NACC2: variants seen among roughly 807,000 people sequenced by gnomAD.
NACC2 encodes NACC family member 2.
Under a neutral mutation model 25.1 loss-of-function variants are expected in NACC2, and 8 were observed. The ratio of observed to expected loss-of-function variants is 0.32; its 90% confidence interval spans 0.19 to 0.57. The LOEUF (loss-of-function observed/expected upper bound fraction) is 0.57, where lower values mean the gene tolerates loss of function less well. Ranked by LOEUF, NACC2 falls within the 20% of genes least tolerant of loss-of-function variation. The pLI is 0.89. For synonymous variants in NACC2, 435 were observed against 294.7 expected (o/e 1.48, Z -4.88); for missense variants, 644 against 650.2 (o/e 0.99, Z 0.10).
At chr9:136,083,597 C>T (rs569696328) in intron 1 of NACC2, among the ~76,000 whole-genome samples, 16 of 152,366 alleles carry the variant, frequency 1.1e-4, no homozygotes, top group African/African-American at 3.6e-4. Flanking sequence ...TGAAGAGCGC[C>T]GTGCAGAGGC....
chr9:136,064,083 G>C (rs1841050407), intron 1 of NACC2, among the ~76,000 whole-genome samples: 1 of 152,086 alleles, frequency 6.6e-6, no homozygotes, highest in Admixed American at 6.6e-5. Flanking sequence ...GAGTCCAGGA[G>C]TTTGAGACAA....
At chr9:136,073,478 T>G (rs2131179844) in intron 1 of NACC2, among the ~76,000 whole-genome samples, 1 of 152,150 alleles carries the variant, frequency 6.6e-6, no homozygotes, top group South Asian at 2.1e-4. Flanking sequence ...CAGTAGGAGC[T>G]GCAGTGGACA....
intron 1 of NACC2, among the ~76,000 whole-genome samples, chr9:136,081,461 C>A (rs981965049): frequency 6.6e-6 from 1 of 152,234 alleles, no homozygotes; most frequent in Non-Finnish European, 1.5e-5. Context: ...TCTCTGAGCG[C>A]GGGGTGCCCA....
chr9:136,094,423 CA>C (rs920279759), intron 1 of NACC2, among the ~76,000 whole-genome samples: 4 of 152,208 alleles, frequency 2.6e-5, no homozygotes, highest in Non-Finnish European at 5.9e-5. Context: ...ACGATCCCAG[CA>C]AGAGAAGCAG....
At chr9:136,042,010 T>G (rs897127463) in intron 2 of NACC2, among the ~76,000 whole-genome samples, 2 of 152,200 alleles carry the variant, frequency 1.3e-5, no homozygotes, top group Non-Finnish European at 2.9e-5. Context: ...TTTCTTTTTT[T>G]TTGAGACAGA....
chr9:136,022,771 T>C lies in NACC2; in HGVS notation c.887-6342A>G, dbSNP rs1840311108. ...AAGACCAGAAACGACTTCCACGCTG[T>C]ACTTGGTGGGAGCACAGAGGCCACA... On this transcript the variant is annotated intron_variant, in intron 2 of 5. Transcript: ENST00000277554. The surrounding 1 kb of genome is among the most constrained non-coding windows in gnomAD (Gnocchi z 4.4). Among the ~76,000 whole-genome samples the C allele has an allele frequency of 1.3e-5, 2 of 152,002 alleles. No individual in the cohort carries two copies. Among genetic ancestry groups the C allele is most frequent in the South Asian group, 4.1e-4 (2 of 4,826 alleles).
At position 136,044,648 on chromosome 9, in the gene NACC2, C is replaced by T. The variant is rs1013351548; in HGVS notation, c.886+4988G>A. Among the ~76,000 whole-genome samples the T allele has an allele frequency of 3.2e-3, 482 of 152,324 alleles. 8 individuals carry two copies. In the South Asian group the frequency reaches 0.055, roughly 17 times the overall value. On this transcript the variant is annotated intron_variant, in intron 2 of 5. Transcript: ENST00000277554. Reference sequence around the variant, plus strand: ...AGGCAGCAGAGTGGGGACGATGGTGCGATTTGCATACTCAGCAACCCCAAG... The same window carrying T: ...AGGCAGCAGAGTGGGGACGATGGTGTGATTTGCATACTCAGCAACCCCAAG...
chr9:136,081,373 C>T (rs1404332530), intron 1 of NACC2, among the ~76,000 whole-genome samples: 3 of 152,206 alleles, frequency 2.0e-5, no homozygotes, highest in African/African-American at 7.2e-5. Context: ...CTCCCCATGG[C>T]CCAGCCCCAC....
chr9:136,033,480 C>A (rs1309434895), intron 2 of NACC2, among the ~76,000 whole-genome samples: 3 of 150,998 alleles, frequency 2.0e-5, no homozygotes, highest in Non-Finnish European at 1.5e-5. Context: ...CCCTACTAAA[C>A]CTCTACTAAA....
At chr9:136,093,877 G>A (rs900447391) in intron 1 of NACC2, among the ~76,000 whole-genome samples, 3 of 152,204 alleles carry the variant, frequency 2.0e-5, no homozygotes, top group African/African-American at 4.8e-5. Flanking sequence ...CTGCTGGGGG[G>A]TGCTACAGGC....
At chr9:136,023,157 C>T (rs1338138265) in intron 2 of NACC2, among the ~76,000 whole-genome samples, 3 of 125,838 alleles carry the variant, frequency 2.4e-5, no homozygotes, top group African/African-American at 9.1e-5. Context: ...CATATCCTGG[C>T]CTCTCTGGGT....
intron 2 of NACC2, among the ~76,000 whole-genome samples, chr9:136,041,537 C>A (rs1259249294): frequency 2.7e-5 from 4 of 150,690 alleles, no homozygotes; most frequent in Non-Finnish European, 5.9e-5. Context: ...TCCATTGAAC[C>A]AAAGTGCCCA....
Position 136,055,128 on chromosome 9 carries a change from G to A in NACC2, c.-59-4548C>T, listed in dbSNP as rs1840904522. On this transcript the variant is annotated intron_variant, in intron 1 of 5. Coordinates refer to ENST00000277554, the MANE Select transcript of NACC2 (RefSeq NM_144653.5). The surrounding 1 kb of genome is among the most constrained non-coding windows in gnomAD (Gnocchi z 4.9). ...CTGAGATCCAGGCCTGCCCTGCCCTGGGGTTAGGGGTTGCCCACCATGATG... is the reference window on the plus strand; with the variant it reads ...CTGAGATCCAGGCCTGCCCTGCCCTAGGGTTAGGGGTTGCCCACCATGATG... Among the ~76,000 whole-genome samples, 2 of 152,278 alleles carry A rather than the reference G, an allele frequency of 1.3e-5. No individual in the cohort carries two copies. Among genetic ancestry groups the A allele is most frequent in the South Asian group, 4.2e-4 (2 of 4,816 alleles).
At chr9:136,058,960 G>A (rs1704459726) in intron 1 of NACC2, among the ~76,000 whole-genome samples, 1 of 152,206 alleles carries the variant, frequency 6.6e-6, no homozygotes, top group South Asian at 2.1e-4. Flanking sequence ...AGGCCCAGGT[G>A]TGGGAGGCGT....
In NACC2 at chr9:136,070,668, G is replaced by GA. The variant is rs34755994; in HGVS notation, c.-59-20089dup. On this transcript the variant is annotated intron_variant, in intron 1 of 5. Transcript: ENST00000277554. The stretch of plus-strand genomic sequence containing the variant: ...TATAAGCTCTCATCTCAAGGAATCA[G>GA]AAAAAAAAAAAACAAAAACCAAAAA... Among the ~76,000 whole-genome samples, 638 of 135,876 alleles carry GA rather than the reference G, an allele frequency of 4.7e-3. 16 individuals carry two copies. The highest frequency in any genetic ancestry group is 0.017 in the African/African-American group (605 of 35,470). 89.1% of individuals were successfully genotyped at this position (135,876 alleles called of 152,430 possible).
intron 2 of NACC2, among the ~76,000 whole-genome samples, chr9:136,044,201 C>T (rs1840685619): frequency 6.6e-6 from 1 of 152,114 alleles, no homozygotes; most frequent in Admixed American, 6.5e-5. Flanking sequence ...ACAGATGCAC[C>T]ATATCTACAG....
chr9:136,013,169 C>CCCCCCCCCCCCACA lies in NACC2; in HGVS notation c.1255+29_1255+30insTGTGGGGGGGGGGG. On this transcript the variant is annotated intron_variant, in intron 5 of 5. Transcript: ENST00000277554. This position sits in a 1 kb window ranked among gnomAD's most constrained non-coding sequence, Gnocchi z 6.6. ...TGGGATCTGAACCCAGCCCCGGCCCCACCCACCCGAGAGACCCCCAGGCTC... is the reference window on the plus strand; with the variant it reads ...TGGGATCTGAACCCAGCCCCGGCCCCCCCCCCCCCCCACAACCCACCCGAGAGACCCCCAGGCTC... 9.3e-7 allele frequency: 1 copy of CCCCCCCCCCCCACA among 1,077,570 alleles called. No individual in the cohort carries two copies. Among genetic ancestry groups the CCCCCCCCCCCCACA allele is most frequent in the Non-Finnish European group, 1.4e-6 (1 of 700,004 alleles). The allele number at this position is 1,077,570 out of a possible 1,614,324, so 66.8% of individuals were successfully genotyped here. A position where few individuals can be genotyped will look rare whatever the true frequency, so the allele number is the denominator to read the frequency against.
intron 1 of NACC2, among the ~76,000 whole-genome samples, chr9:136,079,324 G>T (rs1359591243): frequency 5.9e-5 from 9 of 152,196 alleles, no homozygotes; most frequent in African/African-American, 2.2e-4. Context: ...CCACCTTCAG[G>T]CCTGATGGAA....
chr9:136,012,058 T>C (rs1840119614), intron 5 of NACC2, 34 bp from the exon 6 acceptor site: 1 of 1,478,930 alleles, frequency 6.8e-7, no homozygotes, highest in Non-Finnish European at 9.0e-7. Flanking sequence ...CTCAGCCACC[T>C]GCCTGCCGGG....
Sources: allele counts gnomAD v4.1 joint callset (sites outside exome capture counted in the v4.1 genomes callset), GRCh38; gene constraint gnomAD v4.1.1; non-coding constraint Gnocchi (gnomAD v3.1); transcripts MANE v1.5; gene names NCBI Gene and HGNC (gene_info 2026-07-23, HGNC 2026-07-21).